Variants in CYTH4 observed in about 807,000 individuals in gnomAD.
The protein encoded by CYTH4 is cytohesin-4.
A neutral mutation model predicts 57.5 loss-of-function variants in CYTH4; 22 were observed. The observed-to-expected ratio is 0.38, with a 90% CI of 0.27 to 0.55. The LOEUF is 0.55. Ranked by LOEUF, CYTH4 falls within the 20% of genes least tolerant of loss-of-function variation. CYTH4 has a pLI of 0.74. For synonymous variants in CYTH4, 186 were observed against 206.5 expected (o/e 0.90, Z 0.85); for missense variants, 420 against 535.6 (o/e 0.78, Z 2.13).
At chr22:37,300,450 G>A (rs556212951) in intron 6 of CYTH4, among the ~76,000 whole-genome samples, 40 of 152,308 alleles carry the variant, frequency 2.6e-4, no homozygotes, top group African/African-American at 9.1e-4. Flanking sequence ...TGAAGCTGTC[G>A]AAACCACCAA....
chr22:37,309,443 TG>T, intron 9 of CYTH4, 120 bp downstream of exon 9: 1 of 877,462 alleles, frequency 1.1e-6, no homozygotes, highest in South Asian at 1.6e-5. Context: ...ACATGCATCC[TG>T]GGGGATGGAG....
In CYTH4 at chr22:37,298,696, G is replaced by A. The variant is rs895515728; in HGVS notation, c.354-530G>A. Among the ~76,000 whole-genome samples the A allele has an allele frequency of 2.6e-5, 4 of 152,142 alleles. No homozygotes were observed. The highest frequency in any genetic ancestry group is 7.2e-5 in the African/African-American group (3 of 41,410). On this transcript the variant is annotated intron_variant, in intron 5 of 12. Coordinates refer to ENST00000248901, the MANE Select transcript of CYTH4 (RefSeq NM_013385.5). The surrounding 1 kb of genome is among the most constrained non-coding windows in gnomAD (Gnocchi z 4.1). ...CAAAGGACTGGTCTGAGGGGTGGGC[G>A]AGTGGATAGGGGTGAAGCTGGACCA...
At position 37,294,692 on chromosome 22, in the gene CYTH4, C is replaced by A; in HGVS notation, c.135C>A (p.Ala45=). The change falls in exon 3 of 13, where the codon GCC becomes GCA. Residue 45 remains alanine, a synonymous_variant. Transcript: ENST00000248901. ...KLKDEIADVF[A]QIDCFESAEE... is the part of the protein sequence containing the mutation. Reference sequence around the variant, plus strand: ...AGGATGAGATTGCAGATGTGTTTGCCCAAATCGACTGCTTCGAGAGTGCGG... The same window carrying A: ...AGGATGAGATTGCAGATGTGTTTGCACAAATCGACTGCTTCGAGAGTGCGG... 6.2e-7 allele frequency: 1 copy of A among 1,613,800 alleles called. No homozygotes were observed. Among genetic ancestry groups the A allele is most frequent in the South Asian group, 1.1e-5 (1 of 91,066 alleles).
chr22:37,310,920 C>T, intron 9 of CYTH4, 68 bp from the exon 10 acceptor site: 1 of 1,562,288 alleles, frequency 6.4e-7, no homozygotes. Context: ...AGGACCTGCC[C>T]TTCCCTGGAG....
chr22:37,309,830 G>A (rs994812422), intron 9 of CYTH4: 1 of 316,970 alleles, frequency 3.2e-6, no homozygotes, highest in Non-Finnish European at 6.6e-6. Context: ...TGTGGCTTAG[G>A]GGGAGGCTCC....
In CYTH4 at chr22:37,311,500, G is replaced by A; in HGVS notation, c.930G>A (p.Val310=). The A allele has an allele frequency of 6.2e-7, 1 of 1,614,042 alleles. No homozygotes were observed. The highest frequency in any genetic ancestry group is 8.5e-7 in the Non-Finnish European group (1 of 1,180,022). Residue 310 remains valine (V), a synonymous_variant, in exon 11 of 13, where the codon GTG becomes GTA. Coordinates refer to ENST00000248901, the MANE Select transcript of CYTH4 (RefSeq NM_013385.5). This position sits in a 1 kb window ranked among gnomAD's most constrained non-coding sequence, Gnocchi z 4.4. ...RGIIPLENLS[V]QKVDDPKKPF... ...TTATACCTCTTGAGAACCTCTCGGTGCAGAAGGTGGATGACCCCAAGAAGC... is the reference window on the plus strand; with the variant it reads ...TTATACCTCTTGAGAACCTCTCGGTACAGAAGGTGGATGACCCCAAGAAGC...
chr22:37,313,545 C>G lies in CYTH4; in HGVS notation c.*34C>G, dbSNP rs1384977653. ...GAGGTGGCACTGGGGGCTGGTCACC[C>G]TGAGAGTCCCATCGCCTGCAGCACC... On this transcript the variant is annotated 3_prime_UTR_variant, in exon 13 of 13. Coordinates refer to ENST00000248901, the MANE Select transcript of CYTH4 (RefSeq NM_013385.5). 6.2e-7 allele frequency: 1 copy of G among 1,601,804 alleles called. No homozygotes were observed. Among genetic ancestry groups the G allele is most frequent in the Non-Finnish European group, 8.6e-7 (1 of 1,168,848 alleles).
intron 1 of CYTH4, among the ~76,000 whole-genome samples, chr22:37,286,158 G>A (rs990509112): frequency 2.6e-5 from 4 of 152,132 alleles, no homozygotes; most frequent in South Asian, 2.1e-4. Flanking sequence ...ATTCTGAAAC[G>A]TGTAACCCCG....
Position 37,301,004 on chromosome 22 carries a change from G to A in CYTH4, c.532G>A (p.Val178Ile), listed in dbSNP as rs373908152. 6.9e-5 allele frequency: 111 copies of A among 1,613,964 alleles called. No individual in the cohort carries two copies. Among genetic ancestry groups the A allele is most frequent in the Non-Finnish European group, 8.6e-5 (102 of 1,179,960 alleles). Residue 178 changes from valine to isoleucine, a missense_variant, in exon 7 of 13, where the codon GTC (valine) becomes ATC (isoleucine). Val to Ile is a conservative substitution (Grantham distance 29, BLOSUM62 3). Coordinates refer to ENST00000248901, the MANE Select transcript of CYTH4 (RefSeq NM_013385.5). The part of the protein sequence containing the change: ...ATRYCLCNPG[V>I]FQSTDTCYVL... ...TCGATACTGCCTCTGCAACCCAGGC[G>A]TCTTCCAGTCCACAGGTGCCAGGAG... is the stretch of plus-strand genomic sequence containing the variant.
At chr22:37,285,287 G>T (rs1928511550) in intron 1 of CYTH4, among the ~76,000 whole-genome samples, 1 of 152,148 alleles carries the variant, frequency 6.6e-6, no homozygotes, top group Non-Finnish European at 1.5e-5. Flanking sequence ...TTGGGGTGGG[G>T]GTTCATGTCA....
intron 1 of CYTH4, among the ~76,000 whole-genome samples, chr22:37,285,224 G>A (rs978842000): frequency 1.3e-5 from 2 of 152,188 alleles, no homozygotes; most frequent in African/African-American, 2.4e-5. Flanking sequence ...GAGGAGCCGG[G>A]GAGATGGGCA....
rs765876014 is a variant in CYTH4, at chr22:37,311,343, C to T, written c.886-113C>T. 27 of 965,018 alleles carry T rather than the reference C, an allele frequency of 2.8e-5. No individual in the cohort carries two copies. In the Admixed American group the frequency reaches 2.8e-4, roughly 10 times the overall value. The allele number at this position is 965,018 out of a possible 1,614,324, so 59.8% of individuals were successfully genotyped here. ...CCGTCCCCCTATGACTGGACAGTCTCGGAAGATGAGCACGCTCCTCTTTGA... is the reference window on the plus strand; with the variant it reads ...CCGTCCCCCTATGACTGGACAGTCTTGGAAGATGAGCACGCTCCTCTTTGA... On this transcript the variant is annotated intron_variant, in intron 10 of 12. Transcript: ENST00000248901. This position sits in a 1 kb window ranked among gnomAD's most constrained non-coding sequence, Gnocchi z 4.4.
intron 8 of CYTH4, among the ~76,000 whole-genome samples, chr22:37,303,858 G>T (rs1287574425): frequency 6.6e-6 from 1 of 152,202 alleles, no homozygotes; most frequent in Non-Finnish European, 1.5e-5. Flanking sequence ...TACTTGAGCT[G>T]GGCCCTACCA....
At position 37,311,527 on chromosome 22, in the gene CYTH4, A is replaced by C; in HGVS notation, c.957A>C (p.Pro319=). 1.2e-6 allele frequency: 2 copies of C among 1,613,916 alleles called. No individual in the cohort carries two copies. Among genetic ancestry groups the C allele is most frequent in the East Asian group, 4.5e-5 (2 of 44,882 alleles). Residue 319 remains proline, a splice_region_variant and synonymous_variant, in exon 11 of 13, where the codon CCA becomes CCC. Transcript: ENST00000248901. The surrounding 1 kb of genome is among the most constrained non-coding windows in gnomAD (Gnocchi z 4.4). ...SVQKVDDPKK[P]FCLELYNPSC... ...AGAAGGTGGATGACCCCAAGAAGCC[A>C]GTAGGTGTTCAGGTTGCAGGATCCC...
At chr22:37,305,554 T>G (rs916929479) in intron 8 of CYTH4, among the ~76,000 whole-genome samples, 1 of 152,016 alleles carries the variant, frequency 6.6e-6, no homozygotes, top group Non-Finnish European at 1.5e-5. Context: ...GTAGTTGGAG[T>G]GGCTAATCAA....
chr22:37,296,406 C>T, intron 4 of CYTH4: 1 of 289,406 alleles, frequency 3.5e-6, no homozygotes, highest in East Asian at 9.0e-5. Context: ...GCTTAGGCTC[C>T]AGAAGCATCT....
At chr22:37,303,990 G>A (rs1183904691) in intron 8 of CYTH4, among the ~76,000 whole-genome samples, 1 of 152,214 alleles carries the variant, frequency 6.6e-6, no homozygotes. Flanking sequence ...TTCAGGGTCT[G>A]GTGGGAGGAC....
rs1178296648 is a variant in CYTH4, at chr22:37,311,401, T to G, written c.886-55T>G. The G allele has an allele frequency of 6.7e-7, 1 of 1,499,096 alleles. No individual in the cohort carries two copies. Among genetic ancestry groups the G allele is most frequent in the African/African-American group, 1.4e-5 (1 of 72,684 alleles). The allele number at this position is 1,499,096 out of a possible 1,614,324, so 92.9% of individuals were successfully genotyped here. On this transcript the variant is annotated intron_variant, in intron 10 of 12. Transcript: ENST00000248901. This position sits in a 1 kb window ranked among gnomAD's most constrained non-coding sequence, Gnocchi z 4.4. ...GAACCCCACACGTTCACACCCTGCC[T>G]TGGGCCTCAGGGTTCCGCTTCCTGA...
At chr22:37,289,778 T>C (rs1188252753) in intron 1 of CYTH4, among the ~76,000 whole-genome samples, 1 of 152,206 alleles carries the variant, frequency 6.6e-6, no homozygotes, top group Non-Finnish European at 1.5e-5. Context: ...ACTCTATCTC[T>C]ACCAGGACCC....
Sources: allele counts gnomAD v4.1 joint callset (sites outside exome capture counted in the v4.1 genomes callset), GRCh38; gene constraint gnomAD v4.1.1; non-coding constraint Gnocchi (gnomAD v3.1); transcripts MANE v1.5; gene names NCBI Gene and HGNC (gene_info 2026-07-23, HGNC 2026-07-21).